Variants in DCC observed in about 807,000 individuals in gnomAD.
DCC encodes DCC netrin 1 receptor, also known as netrin receptor DCC.
A neutral mutation model predicts 172.5 loss-of-function variants in DCC; 58 were observed. That is an observed-to-expected ratio of 0.34 (90% CI 0.27 to 0.42). The LOEUF (loss-of-function observed/expected upper bound fraction) is 0.42, where lower values mean the gene tolerates loss of function less well. DCC is among the 10% of genes least tolerant of loss of function. The probability of loss-of-function intolerance (pLI) is 1.00; values close to 1 mark genes in which losing one functional copy is unlikely to be tolerated. For synonymous variants in DCC, 709 were observed against 644.5 expected (o/e 1.10, Z -1.52); for missense variants, 1,740 against 1,791.0 (o/e 0.97, Z 0.51).
In DCC at chr18:52,738,296, G is replaced by A. The variant is rs374387755; in HGVS notation, c.92-13758G>A. Among the ~76,000 whole-genome samples the A allele has an allele frequency of 1.8e-4, 28 of 152,270 alleles. No individual in the cohort carries two copies. In the South Asian group the frequency reaches 2.7e-3, roughly 15 times the overall value. On this transcript the variant is annotated intron_variant, in intron 1 of 28. Coordinates refer to ENST00000442544, the MANE Select transcript of DCC (RefSeq NM_005215.4). ...ATTTTGTCATTGTGCAAACATCATA[G>A]AGTGTCCTCACACAAACTTTACATG...
chr18:52,519,617 T>A (rs2031746559), intron 1 of DCC, among the ~76,000 whole-genome samples: 1 of 152,102 alleles, frequency 6.6e-6, no homozygotes, highest in Non-Finnish European at 1.5e-5. Context: ...AGGAATTTGG[T>A]TATGTTTGCC....
intron 2 of DCC, among the ~76,000 whole-genome samples, chr18:52,839,399 C>A (rs1429415639): frequency 1.3e-5 from 2 of 152,128 alleles, no homozygotes; most frequent in Admixed American, 1.3e-4. Flanking sequence ...CTTTGTCTCA[C>A]TTTGCTCCTG....
chr18:52,985,633 TC>T (rs1194122439), intron 5 of DCC, among the ~76,000 whole-genome samples: 1 of 152,144 alleles, frequency 6.6e-6, no homozygotes, highest in East Asian at 1.9e-4. Context: ...CTCATTTTTT[TC>T]TTTTACTTTT....
chr18:52,417,618 C>T (rs1337495407), intron 1 of DCC, among the ~76,000 whole-genome samples: 1 of 152,144 alleles, frequency 6.6e-6, no homozygotes, highest in East Asian at 1.9e-4. Context: ...TTATTTCATT[C>T]ATTTCATCTT....
chr18:52,829,898 G>C (rs1196731179), intron 2 of DCC, among the ~76,000 whole-genome samples: 1 of 152,052 alleles, frequency 6.6e-6, no homozygotes, highest in Non-Finnish European at 1.5e-5. Flanking sequence ...TGAGTGGGAG[G>C]GATCTGCAAA....
intron 21 of DCC, among the ~76,000 whole-genome samples, chr18:53,426,175 G>A (rs1247989866): frequency 6.7e-6 from 1 of 150,328 alleles, no homozygotes; most frequent in African/African-American, 2.4e-5. Flanking sequence ...ATGTGGGAAT[G>A]AGAAGTACTA....
rs557403249 is a variant in DCC, at chr18:52,620,709, C to T, written c.92-131345C>T. Among the ~76,000 whole-genome samples the T allele has an allele frequency of 7.9e-5, 12 of 152,168 alleles. No homozygotes were observed. In the South Asian group the frequency reaches 1.5e-3, roughly 18 times the overall value. ...GTTCCTGGACCCTCTTTGCAGTTTT[C>T]CCTCTGTCTTAAGTAGACGATGTCG... On this transcript the variant is annotated intron_variant, in intron 1 of 28. Coordinates refer to ENST00000442544, the MANE Select transcript of DCC (RefSeq NM_005215.4).
In DCC at chr18:52,691,952, A is replaced by G. The variant is rs374751277; in HGVS notation, c.92-60102A>G. Among the ~76,000 whole-genome samples, 8 of 152,304 alleles carry G rather than the reference A, an allele frequency of 5.3e-5. No homozygotes were observed. In the East Asian group the frequency reaches 7.7e-4, roughly 15 times the overall value. On this transcript the variant is annotated intron_variant, in intron 1 of 28. Coordinates refer to ENST00000442544, the MANE Select transcript of DCC (RefSeq NM_005215.4). ...AGAGAGTAACAGAAGTTAGAACAGTATTCCCCTAAATAACTTGGTTTTTAT... is the reference window on the plus strand; with the variant it reads ...AGAGAGTAACAGAAGTTAGAACAGTGTTCCCCTAAATAACTTGGTTTTTAT...
At chr18:53,354,876 C>T (rs2057859060) in intron 15 of DCC, among the ~76,000 whole-genome samples, 1 of 150,676 alleles carries the variant, frequency 6.6e-6, no homozygotes, top group Admixed American at 6.6e-5. Flanking sequence ...ATGGTATTGC[C>T]TAGGTTTTCT....
chr18:52,485,581 C>A (rs548128003), intron 1 of DCC, among the ~76,000 whole-genome samples: 74 of 152,196 alleles, frequency 4.9e-4, no homozygotes, highest in Non-Finnish European at 7.6e-4. Flanking sequence ...CCACTCCCCA[C>A]CCCAATTACA....
intron 1 of DCC, among the ~76,000 whole-genome samples, chr18:52,468,285 C>T (rs982136984): frequency 3.9e-5 from 6 of 152,084 alleles, no homozygotes; most frequent in Admixed American, 1.3e-4. Flanking sequence ...TATGGGGAAG[C>T]GAGATGATGT....
chr18:52,845,856 T>C (rs926150219), intron 2 of DCC, among the ~76,000 whole-genome samples: 2 of 152,214 alleles, frequency 1.3e-5, no homozygotes, highest in African/African-American at 2.4e-5. Context: ...TGGCTACTGC[T>C]AGGTATTTAC....
At chr18:53,120,572 A>C (rs1259261136) in intron 7 of DCC, among the ~76,000 whole-genome samples, 1 of 151,880 alleles carries the variant, frequency 6.6e-6, no homozygotes, top group African/African-American at 2.4e-5. Context: ...TTTACAAAAA[A>C]ATCAGAGGAA....
At chr18:53,374,846 T>A (rs1470501712) in intron 15 of DCC, among the ~76,000 whole-genome samples, 1 of 152,188 alleles carries the variant, frequency 6.6e-6, no homozygotes. Flanking sequence ...ACTAAAGAGT[T>A]AAAAATGCAA....
At chr18:52,902,025 T>C (rs2039817370) in intron 2 of DCC, among the ~76,000 whole-genome samples, 1 of 152,156 alleles carries the variant, frequency 6.6e-6, no homozygotes, top group African/African-American at 2.4e-5. Context: ...ACCTAAAACA[T>C]GACTAGAGAT....
At chr18:52,664,737 C>T (rs533463796) in intron 1 of DCC, among the ~76,000 whole-genome samples, 1 of 152,168 alleles carries the variant, frequency 6.6e-6, no homozygotes, top group Non-Finnish European at 1.5e-5. Context: ...TCCCAAAGTG[C>T]TGGGATTACA....
intron 14 of DCC, among the ~76,000 whole-genome samples, chr18:53,336,211 G>A (rs1458068199): frequency 6.6e-6 from 1 of 152,106 alleles, no homozygotes; most frequent in Non-Finnish European, 1.5e-5. Context: ...ATGTACTTCT[G>A]AGCAGCAAAT....
intron 12 of DCC, among the ~76,000 whole-genome samples, chr18:53,257,408 A>G (rs1303028592): frequency 1.3e-5 from 2 of 152,196 alleles, no homozygotes; most frequent in Non-Finnish European, 2.9e-5. Context: ...ATTTATTGAG[A>G]ATTTTTAGCA....
At chr18:53,018,908 T>C (rs1160190869) in intron 5 of DCC, among the ~76,000 whole-genome samples, 1 of 152,172 alleles carries the variant, frequency 6.6e-6, no homozygotes, top group African/African-American at 2.4e-5. Flanking sequence ...TCATACAATG[T>C]TTTTTCAATG....
Sources: allele counts gnomAD v4.1 joint callset (sites outside exome capture counted in the v4.1 genomes callset), GRCh38; gene constraint gnomAD v4.1.1; transcripts MANE v1.5; gene names NCBI Gene and HGNC (gene_info 2026-07-23, HGNC 2026-07-21).